Variants in BIRC6 observed in about 807,000 individuals in gnomAD.
BIRC6 encodes the protein baculoviral IAP repeat containing 6, also known as dual E2 ubiquitin-conjugating enzyme/E3 ubiquitin-protein ligase BIRC6.
In BIRC6, 98 loss-of-function variants were observed where a neutral mutation model predicts 503.3. The ratio of observed to expected loss-of-function variants is 0.19; its 90% CI spans 0.17 to 0.23. The LOEUF is 0.23. BIRC6 is among the 10% of genes least tolerant of loss of function. The pLI, the probability that BIRC6 is intolerant of heterozygous loss-of-function variation, is 1.00. For missense variants in BIRC6, 5,360 were observed against 5,806.0 expected (o/e 0.92, Z 2.50); for synonymous variants, 2,240 against 2,078.7 (o/e 1.08, Z -2.11).
chr2:32,408,009 C>T (rs568833759), intron 9 of BIRC6, among the ~76,000 whole-genome samples: 2 of 151,860 alleles, frequency 1.3e-5, no homozygotes, highest in South Asian at 4.2e-4. Flanking sequence ...GCTCTGTTGC[C>T]CAGGCTGGAG....
At chr2:32,418,955 A>G (rs975329527) in intron 10 of BIRC6, among the ~76,000 whole-genome samples, 5 of 152,134 alleles carry the variant, frequency 3.3e-5, no homozygotes, top group Non-Finnish European at 7.4e-5. Context: ...CTCAAACAAA[A>G]CAAACAAACA....
chr2:32,430,019 TGGAA>T (rs2043922290), intron 11 of BIRC6, among the ~76,000 whole-genome samples: 1 of 152,086 alleles, frequency 6.6e-6, no homozygotes, highest in African/African-American at 2.4e-5. Flanking sequence ...AAATAAATAA[TGGAA>T]AGAAAGAAGA....
At chr2:32,548,733 GATTGCACC>G in intron 64 of BIRC6, 1 of 152,198 alleles carries the variant, frequency 6.6e-6, no homozygotes, top group Non-Finnish European at 1.5e-5. Context: ...AGCGAGCCAA[GATTGCACC>G]ATTGCACTCC....
At chr2:32,473,342 G>A in intron 33 of BIRC6, 103 bp downstream of exon 33, 2 of 928,664 alleles carry the variant, frequency 2.2e-6, no homozygotes, top group Non-Finnish European at 3.1e-6. Context: ...CATTTAATGG[G>A]CTCTTAGCTT....
chr2:32,557,855 C>T (rs1450467524), intron 65 of BIRC6: 1 of 152,112 alleles, frequency 6.6e-6, no homozygotes, highest in African/African-American at 2.4e-5. Flanking sequence ...TACCAGTTTT[C>T]CCAGAAAATG....
intron 72 of BIRC6, among the ~76,000 whole-genome samples, chr2:32,610,829 C>T (rs1482067614): frequency 1.3e-5 from 2 of 151,822 alleles, no homozygotes; most frequent in African/African-American, 4.8e-5. Context: ...AGTGCAGTGG[C>T]GGGATCTCAG....
intron 65 of BIRC6, among the ~76,000 whole-genome samples, chr2:32,552,126 G>T (rs2058465682): frequency 6.6e-6 from 1 of 152,200 alleles, no homozygotes; most frequent in Non-Finnish European, 1.5e-5. Context: ...TTTCAGTGCA[G>T]AGATTGGTCT....
chr2:32,609,653 A>G (rs567345087), intron 72 of BIRC6, among the ~76,000 whole-genome samples: 2 of 151,652 alleles, frequency 1.3e-5, no homozygotes, highest in Admixed American at 6.6e-5. Flanking sequence ...GTAAATTTAT[A>G]TTCCAGTGTC....
At chr2:32,398,559 T>G (rs2040240636) in intron 6 of BIRC6, among the ~76,000 whole-genome samples, 1 of 152,344 alleles carries the variant, frequency 6.6e-6, no homozygotes, top group African/African-American at 2.4e-5. Context: ...TTTTCATACA[T>G]ACTTCCACAT....
At chr2:32,370,833 A>C (rs1008831327) in intron 1 of BIRC6, among the ~76,000 whole-genome samples, 1 of 152,150 alleles carries the variant, frequency 6.6e-6, no homozygotes, top group Non-Finnish European at 1.5e-5. Context: ...GGCTATTTTA[A>C]AATAGCGTTG....
chr2:32,536,708 G>A (rs2057267901), intron 61 of BIRC6, among the ~76,000 whole-genome samples: 1 of 152,158 alleles, frequency 6.6e-6, no homozygotes, highest in African/African-American at 2.4e-5. Flanking sequence ...GGTTACTGTA[G>A]CCTTGTAGTA....
chr2:32,395,759 T>C (rs1324846424), intron 6 of BIRC6, among the ~76,000 whole-genome samples, 166 bp downstream of exon 6: 1 of 152,234 alleles, frequency 6.6e-6, no homozygotes, highest in East Asian at 1.9e-4. Context: ...GCACACCACT[T>C]GGCATACAGT....
intron 1 of BIRC6, among the ~76,000 whole-genome samples, chr2:32,365,278 A>T (rs1180136964): frequency 6.6e-6 from 1 of 151,898 alleles, no homozygotes; most frequent in Non-Finnish European, 1.5e-5. Context: ...AAATAAACTG[A>T]TACATACAGA....
chr2:32,584,796 G>T (rs923862547), intron 66 of BIRC6, among the ~76,000 whole-genome samples: 1 of 152,088 alleles, frequency 6.6e-6, no homozygotes, highest in Non-Finnish European at 1.5e-5. Flanking sequence ...TTAGGCAGAA[G>T]AAAAAAACTT....
At chr2:32,567,236 C>CT (rs1445183113) in intron 65 of BIRC6, among the ~76,000 whole-genome samples, 1 of 152,240 alleles carries the variant, frequency 6.6e-6, no homozygotes, top group Non-Finnish European at 1.5e-5. Context: ...TCCCACACTG[C>CT]TGGGATTACA....
chr2:32,443,517 C>A lies in BIRC6; in HGVS notation c.4265C>A (p.Pro1422Gln). The change falls in exon 20 of 74, where the codon CCA becomes CAA. Residue 1422 changes from proline (P) to glutamine (Q), a missense_variant. Coordinates refer to ENST00000421745, the MANE Select transcript of BIRC6 (RefSeq NM_016252.4). Reference protein sequence around the residue: ...ISNGKCDPCQPAFGPVLLKAL... With the variant: ...ISNGKCDPCQQAFGPVLLKAL... ...AATGGCAAATGTGACCCATGTCAAC[C>A]AGCATTTGGACCTGTTCTGTTGAAG... is the stretch of plus-strand genomic sequence containing the variant. 1 of 1,607,420 alleles carries A rather than the reference C, an allele frequency of 6.2e-7. No individual in the cohort carries two copies. The highest frequency in any genetic ancestry group is 1.1e-5 in the South Asian group (1 of 89,192).
rs781392224 is a variant in BIRC6, at chr2:32,433,822, T to C, written c.3409+18T>C. 4.8e-6 allele frequency: 7 copies of C among 1,465,458 alleles called. No individual in the cohort carries two copies. Among genetic ancestry groups the C allele is most frequent in the Non-Finnish European group, 6.4e-6 (7 of 1,086,922 alleles). The allele number at this position is 1,465,458 out of a possible 1,614,324, so 90.8% of individuals were successfully genotyped here. ...AGTCAATGGTAAGAATGTATCAAAA[T>C]TTATCTTTGAAGATTTTATTTTGTG... On this transcript the variant is annotated intron_variant, in intron 13 of 73. Coordinates refer to ENST00000421745, the MANE Select transcript of BIRC6 (RefSeq NM_016252.4).
intron 65 of BIRC6, among the ~76,000 whole-genome samples, chr2:32,551,564 G>A (rs1367963617): frequency 1.3e-5 from 2 of 152,166 alleles, no homozygotes; most frequent in Non-Finnish European, 1.5e-5. Context: ...TTAGAGACCT[G>A]AGCCAACACA....
At chr2:32,536,902 G>T (rs940067510) in intron 61 of BIRC6, among the ~76,000 whole-genome samples, 6 of 152,110 alleles carry the variant, frequency 3.9e-5, no homozygotes, top group African/African-American at 1.4e-4. Flanking sequence ...AGCATGGAAT[G>T]TTCTTCCATT....
Sources: gnomAD v4.1 joint callset for allele counts (sites outside exome capture counted in the v4.1 genomes callset) on GRCh38, gnomAD v4.1.1 for gene constraint, MANE v1.5 for transcripts, NCBI Gene and HGNC (gene_info 2026-07-23, HGNC 2026-07-21) for gene names.